The following ZNF385D variants were observed in gnomAD, a reference collection of about 807,000 sequenced individuals.
ZNF385D encodes zinc finger protein 385D, also known as zinc finger protein 659.
A neutral mutation model predicts 35.8 loss-of-function variants in ZNF385D; 15 were observed. The ratio of observed to expected loss-of-function variants is 0.42; its 90% CI spans 0.28 to 0.64. The LOEUF is 0.64. ZNF385D is among the 30% of genes least tolerant of loss of function. ZNF385D has a pLI of 0.23. For synonymous variants in ZNF385D, 212 were observed against 186.8 expected (o/e 1.13, Z -1.10); for missense variants, 474 against 494.6 (o/e 0.96, Z 0.39).
intron 3 of ZNF385D, among the ~76,000 whole-genome samples, chr3:22,080,753 G>T (rs554706035): frequency 1.3e-5 from 2 of 152,186 alleles, no homozygotes; most frequent in African/African-American, 2.4e-5. Context: ...GGCCTTTGGG[G>T]GGCAATTAGA....
At chr3:22,262,905 C>T (rs1700709050) in intron 2 of ZNF385D, among the ~76,000 whole-genome samples, 1 of 151,918 alleles carries the variant, frequency 6.6e-6, no homozygotes, top group Admixed American at 6.6e-5. Flanking sequence ...GGGCATCAAC[C>T]CTTACCCAGG....
intron 3 of ZNF385D, among the ~76,000 whole-genome samples, chr3:22,084,888 G>C (rs1700944804): frequency 6.6e-6 from 1 of 152,196 alleles, no homozygotes. Flanking sequence ...TCAGACCACA[G>C]TGCAATCAAA....
chr3:21,553,761 C>A (rs1010749994), intron 3 of ZNF385D, among the ~76,000 whole-genome samples: 25 of 152,154 alleles, frequency 1.6e-4, no homozygotes, highest in Middle Eastern at 3.2e-3. Flanking sequence ...TCTTTGTTGT[C>A]ATTTCAACAG....
chr3:21,549,661 T>A (rs2062500884), intron 3 of ZNF385D, among the ~76,000 whole-genome samples: 1 of 152,126 alleles, frequency 6.6e-6, no homozygotes, highest in African/African-American at 2.4e-5. Context: ...CTCAGATGTG[T>A]CTCTTCTTTC....
intron 1 of ZNF385D, among the ~76,000 whole-genome samples, chr3:21,697,352 T>C (rs572801490): frequency 5.1e-4 from 77 of 152,220 alleles, no homozygotes; most frequent in African/African-American, 1.7e-3. Context: ...ATAATGTAAA[T>C]AGTGGTAAGT....
chr3:21,642,009 G>C (rs967135763), intron 2 of ZNF385D, among the ~76,000 whole-genome samples: 1 of 152,076 alleles, frequency 6.6e-6, no homozygotes, highest in Non-Finnish European at 1.5e-5. Flanking sequence ...TTGTCACCAC[G>C]TGTACAGTAA....
intron 2 of ZNF385D, among the ~76,000 whole-genome samples, chr3:21,648,536 G>A (rs1192017352): frequency 6.6e-6 from 1 of 152,192 alleles, no homozygotes; most frequent in Non-Finnish European, 1.5e-5. Context: ...GGGGAAGAAA[G>A]ATGGGAGAAT....
intron 2 of ZNF385D, among the ~76,000 whole-genome samples, chr3:22,194,290 T>C (rs1696259122): frequency 6.6e-6 from 1 of 151,828 alleles, no homozygotes; most frequent in Admixed American, 6.6e-5. Flanking sequence ...ATTCCTTCCA[T>C]ATTACAGATA....
intron 4 of ZNF385D, among the ~76,000 whole-genome samples, chr3:21,498,897 C>G (rs949970762): frequency 1.5e-5 from 2 of 130,282 alleles, no homozygotes; most frequent in African/African-American, 5.9e-5. Flanking sequence ...GAGCTGAGAT[C>G]GATCGCACCA....
At chr3:22,264,884 T>A (rs1224261489) in intron 2 of ZNF385D, among the ~76,000 whole-genome samples, 3 of 151,940 alleles carry the variant, frequency 2.0e-5, no homozygotes, top group African/African-American at 7.2e-5. Flanking sequence ...ACAAAGGATT[T>A]AAATAATCAT....
At chr3:21,621,324 G>A (rs942259466) in intron 2 of ZNF385D, among the ~76,000 whole-genome samples, 7 of 152,056 alleles carry the variant, frequency 4.6e-5, no homozygotes, top group Non-Finnish European at 5.9e-5. Flanking sequence ...ATGGGCTGTC[G>A]CTGGCAATCT....
chr3:21,522,401 G>A (rs975026360), intron 3 of ZNF385D, among the ~76,000 whole-genome samples: 1 of 152,038 alleles, frequency 6.6e-6, no homozygotes, highest in Non-Finnish European at 1.5e-5. Flanking sequence ...GCAATGGCAC[G>A]ATCTTGGCTC....
intron 2 of ZNF385D, among the ~76,000 whole-genome samples, chr3:22,312,155 C>T (rs1703593689): frequency 6.6e-6 from 1 of 152,270 alleles, no homozygotes; most frequent in Middle Eastern, 3.4e-3. Flanking sequence ...ATTTGAGCCT[C>T]TTCCCTTTGT....
intron 2 of ZNF385D, among the ~76,000 whole-genome samples, chr3:22,333,767 A>G (rs902917835): frequency 2.0e-5 from 3 of 152,206 alleles, no homozygotes; most frequent in Non-Finnish European, 4.4e-5. Context: ...CCTAGACTAG[A>G]TGATTTCTCC....
chr3:21,543,644 C>A (rs2062264764), intron 3 of ZNF385D, among the ~76,000 whole-genome samples: 1 of 152,206 alleles, frequency 6.6e-6, no homozygotes, highest in Non-Finnish European at 1.5e-5. Flanking sequence ...GAAACAGTTG[C>A]ATAAGAATAA....
At chr3:22,017,401 T>C (rs1367171726) in intron 3 of ZNF385D, among the ~76,000 whole-genome samples, 1 of 152,004 alleles carries the variant, frequency 6.6e-6, no homozygotes, top group Non-Finnish European at 1.5e-5. Flanking sequence ...TTCAGCTCTG[T>C]CAAATTTTTG....
intron 2 of ZNF385D, among the ~76,000 whole-genome samples, chr3:22,286,157 T>C (rs1325650836): frequency 6.6e-6 from 1 of 152,150 alleles, no homozygotes. Flanking sequence ...TTATTTTTTA[T>C]CAATCACATA....
chr3:22,164,216 C>CTTTTTTTTTTTTATTTTTTTTT (rs1706158524), intron 3 of ZNF385D, among the ~76,000 whole-genome samples: 1 of 74,912 alleles, frequency 1.3e-5, no homozygotes, highest in African/African-American at 5.0e-5. Flanking sequence ...AAAAGGAGCA[C>CTTTTTTTTTTTTATTTTTTTTT]TTTTTTTTTT....
intron 3 of ZNF385D, among the ~76,000 whole-genome samples, chr3:21,929,515 G>C (rs1042396198): frequency 2.6e-5 from 4 of 151,922 alleles, no homozygotes; most frequent in Admixed American, 1.3e-4. Flanking sequence ...AAGTAAAATT[G>C]TTTGTATTTG....
Sources: gnomAD v4.1 joint callset for allele counts (sites outside exome capture counted in the v4.1 genomes callset) on GRCh38, gnomAD v4.1.1 for gene constraint, MANE v1.5 for transcripts, NCBI Gene and HGNC (gene_info 2026-07-23, HGNC 2026-07-21) for gene names.